The following CRPPA variants were observed in gnomAD, a reference collection of about 807,000 sequenced individuals.
The protein encoded by CRPPA is D-ribitol-5-phosphate cytidylyltransferase.
CRPPA carries 43 observed loss-of-function variants against 52.0 expected under a neutral mutation model. That is an observed-to-expected ratio of 0.83 (90% CI 0.65 to 1.07). The LOEUF is 1.07. CRPPA is among the 50% of genes least tolerant of loss of function. The probability of loss-of-function intolerance (pLI) is 0.00; values close to 1 mark genes in which losing one functional copy is unlikely to be tolerated. For synonymous variants in CRPPA, 250 were observed against 203.5 expected, an observed-to-expected ratio of 1.23 and a Z score of -1.94; for missense variants, 629 against 551.7, an observed-to-expected ratio of 1.14 and a Z score of -1.40.
At chr7:16,381,908 T>G (rs939527353) in intron 2 of CRPPA, among the ~76,000 whole-genome samples, 2 of 152,192 alleles carry the variant, frequency 1.3e-5, no homozygotes, top group Admixed American at 6.5e-5. Context: ...ATGGGTTTCC[T>G]GAATACAGTG....
chr7:16,149,339 A>C (rs1783031131), intron 9 of CRPPA, among the ~76,000 whole-genome samples: 1 of 152,188 alleles, frequency 6.6e-6, no homozygotes, highest in Non-Finnish European at 1.5e-5. Flanking sequence ...AAACATTTTC[A>C]CTTTATCCTG....
intron 2 of CRPPA, among the ~76,000 whole-genome samples, chr7:16,389,928 A>AATATATAT (rs1202579530): frequency 7.8e-3 from 232 of 29,680 alleles, no homozygotes; most frequent in Non-Finnish European, 9.4e-3. Flanking sequence ...AAAAAAAAAA[A>AATATATAT]ATATATATAT....
intron 9 of CRPPA, among the ~76,000 whole-genome samples, chr7:16,159,292 C>G (rs1783250897): frequency 6.6e-6 from 1 of 152,152 alleles, no homozygotes; most frequent in African/African-American, 2.4e-5. Context: ...TGATGTTCCC[C>G]TCCCTGCCAT....
At chr7:16,404,874 A>G (rs10268957) in intron 2 of CRPPA, among the ~76,000 whole-genome samples, 2,349 of 152,316 alleles carry the variant, frequency 0.015, 54 homozygotes, top group African/African-American at 0.054. Flanking sequence ...GTGGTCATTA[A>G]TGGTTCCTGG....
intron 2 of CRPPA, among the ~76,000 whole-genome samples, chr7:16,399,101 ATCG>A (rs1438329600): frequency 5.3e-5 from 8 of 152,188 alleles, no homozygotes; most frequent in Admixed American, 6.5e-5. Context: ...GATAGACGTG[ATCG>A]TCATTTTGGG....
intron 6 of CRPPA, chr7:16,269,057 G>A (rs535115731): frequency 1.3e-5 from 2 of 152,254 alleles, no homozygotes; most frequent in South Asian, 2.1e-4. Flanking sequence ...GCCCAGAGGC[G>A]ACCTCTTTAT....
chr7:16,185,834 G>C (rs1781495115), intron 9 of CRPPA, among the ~76,000 whole-genome samples: 2 of 152,146 alleles, frequency 1.3e-5, no homozygotes, highest in South Asian at 4.1e-4. Context: ...GTCAAATAGT[G>C]ACTTACCTAT....
In CRPPA at chr7:16,088,412, C is replaced by CTTTTTTTTTTT. The variant is rs71549971; in HGVS notation, c.*3272_*3282dup. On this transcript the variant is annotated 3_prime_UTR_variant, in exon 10 of 10. Coordinates refer to ENST00000407010, the MANE Select transcript of CRPPA (RefSeq NM_001101426.4). ...ACTGTAAAGTTACCTCTGGATCTCTCTTTTTTTTTTTTTTTTTTTTTTTGA... is the reference window on the plus strand; with the variant it reads ...ACTGTAAAGTTACCTCTGGATCTCTCTTTTTTTTTTTTTTTTTTTTTTTTTTTTTTTTTTGA... The CTTTTTTTTTTT allele has an allele frequency of 8.8e-6, 1 of 113,142 alleles. No homozygotes were observed. Among genetic ancestry groups the CTTTTTTTTTTT allele is most frequent in the African/African-American group, 3.6e-5 (1 of 27,610 alleles). The allele number at this position is 113,142 out of a possible 1,614,324, so 7.0% of individuals were successfully genotyped here. A position where few individuals can be genotyped will look rare whatever the true frequency, so the allele number is the denominator to read the frequency against.
intron 1 of CRPPA, among the ~76,000 whole-genome samples, chr7:16,417,337 T>C (rs1788218153): frequency 1.3e-5 from 2 of 152,234 alleles, no homozygotes; most frequent in Non-Finnish European, 2.9e-5. Flanking sequence ...AAAAGATGCA[T>C]GCACCATGTT....
intron 9 of CRPPA, among the ~76,000 whole-genome samples, chr7:16,107,437 T>C (rs1782179440): frequency 6.6e-6 from 1 of 151,986 alleles, no homozygotes; most frequent in African/African-American, 2.4e-5. Flanking sequence ...AGCAGAAACC[T>C]TGTATGCCAG....
At chr7:16,204,450 TAGA>T (rs1781924609) in intron 9 of CRPPA, among the ~76,000 whole-genome samples, 1 of 152,000 alleles carries the variant, frequency 6.6e-6, no homozygotes, top group Non-Finnish European at 1.5e-5. Flanking sequence ...AGGGGAATGA[TAGA>T]CATTGGAGAC....
chr7:16,375,227 TC>T (rs1464333566), intron 3 of CRPPA, among the ~76,000 whole-genome samples: 1 of 152,162 alleles, frequency 6.6e-6, no homozygotes, highest in Non-Finnish European at 1.5e-5. Flanking sequence ...TACCCTCTAA[TC>T]CTTATGGCCA....
At chr7:16,229,942 C>T (rs533874634) in intron 8 of CRPPA, among the ~76,000 whole-genome samples, 1 of 151,968 alleles carries the variant, frequency 6.6e-6, no homozygotes, top group Non-Finnish European at 1.5e-5. Flanking sequence ...TCCCCCTTTT[C>T]AGCATTTTAA....
chr7:16,143,314 C>G (rs1038288087), intron 9 of CRPPA, among the ~76,000 whole-genome samples: 1 of 152,108 alleles, frequency 6.6e-6, no homozygotes, highest in Admixed American at 6.6e-5. Flanking sequence ...AGGTTTATCA[C>G]AAGACACTCA....
chr7:16,311,143 G>T (rs1394535184), intron 3 of CRPPA, among the ~76,000 whole-genome samples: 2 of 151,946 alleles, frequency 1.3e-5, no homozygotes, highest in Admixed American at 6.6e-5. Context: ...TAAACATAGT[G>T]GTATGTGTAT....
intron 9 of CRPPA, among the ~76,000 whole-genome samples, chr7:16,172,507 T>C (rs534446721): frequency 5.3e-4 from 81 of 152,336 alleles, no homozygotes; most frequent in African/African-American, 1.9e-3. Context: ...CATTTGGTTA[T>C]ATGTCATGTC....
At chr7:16,254,721 A>T (rs1271268817) in intron 8 of CRPPA, among the ~76,000 whole-genome samples, 1 of 150,326 alleles carries the variant, frequency 6.7e-6, no homozygotes, top group Non-Finnish European at 1.5e-5. Context: ...CAGGTACCCT[A>T]GATCTTAAAG....
At chr7:16,182,997 C>A (rs188155924) in intron 9 of CRPPA, among the ~76,000 whole-genome samples, 40 of 152,210 alleles carry the variant, frequency 2.6e-4, no homozygotes, top group Middle Eastern at 6.8e-3. Context: ...TGACTCAAGG[C>A]TAAAAATGAC....
chr7:16,302,388 C>T (rs547921442), intron 4 of CRPPA, among the ~76,000 whole-genome samples: 1 of 151,580 alleles, frequency 6.6e-6, no homozygotes, highest in Non-Finnish European at 1.5e-5. Flanking sequence ...TGTGTCTGTC[C>T]TATGGCAGAT....
Sources: gnomAD v4.1 joint callset for allele counts (sites outside exome capture counted in the v4.1 genomes callset) on GRCh38, gnomAD v4.1.1 for gene constraint, MANE v1.5 for transcripts, NCBI Gene and HGNC (gene_info 2026-07-23, HGNC 2026-07-21) for gene names.